Variants in ARRB1 observed in about 807,000 individuals in gnomAD.
The protein encoded by ARRB1 is beta-arrestin-1.
A neutral mutation model predicts 56.8 loss-of-function variants in ARRB1; 21 were observed. The observed-to-expected ratio is 0.37, with a 90% CI of 0.26 to 0.53. ARRB1 has a LOEUF of 0.53. Among genes scored for constraint, ARRB1 ranks in the 20% least tolerant of loss-of-function variants. ARRB1 has a pLI of 0.88. For missense variants in ARRB1, 424 were observed against 553.7 expected (o/e 0.77, Z 2.35); for synonymous variants, 210 against 218.6 (o/e 0.96, Z 0.35).
At chr11:75,321,265 A>AC (rs113494468) in intron 1 of ARRB1, among the ~76,000 whole-genome samples, 2,360 of 52,250 alleles carry the variant, frequency 0.045, 62 homozygotes, top group African/African-American at 0.11. Flanking sequence ...ATTCCTGCTC[A>AC]CCCCCCCCCA....
At chr11:75,349,900 C>T (rs1046909467) in intron 1 of ARRB1, among the ~76,000 whole-genome samples, 4 of 152,252 alleles carry the variant, frequency 2.6e-5, no homozygotes, top group Non-Finnish European at 5.9e-5. Context: ...AGGGGCCTGG[C>T]AGTGCCCTAG....
chr11:75,274,416 C>T (rs1021095761), intron 10 of ARRB1: 3 of 586,242 alleles, frequency 5.1e-6, no homozygotes, highest in Non-Finnish European at 9.0e-6. Flanking sequence ...CTACATTCTA[C>T]GCACAAACAG....
chr11:75,327,077 G>A (rs1220453949), intron 1 of ARRB1, among the ~76,000 whole-genome samples: 2 of 151,948 alleles, frequency 1.3e-5, no homozygotes, highest in Non-Finnish European at 2.9e-5. Flanking sequence ...CACTTTGGGA[G>A]GCCGAGGCGG....
At chr11:75,294,417 C>T (rs1946678708) in intron 1 of ARRB1, among the ~76,000 whole-genome samples, 1 of 151,932 alleles carries the variant, frequency 6.6e-6, no homozygotes, top group Non-Finnish European at 1.5e-5. Flanking sequence ...ATTAGCCGGA[C>T]ATGGTGGCAT....
intron 1 of ARRB1, among the ~76,000 whole-genome samples, chr11:75,324,316 A>G (rs1341537333): frequency 6.6e-6 from 1 of 152,214 alleles, no homozygotes; most frequent in East Asian, 1.9e-4. Context: ...CTGCTGGGAC[A>G]GCGCCTAGCA....
intron 1 of ARRB1, among the ~76,000 whole-genome samples, chr11:75,339,471 G>A (rs1414736468): frequency 1.3e-5 from 2 of 152,210 alleles, no homozygotes; most frequent in African/African-American, 4.8e-5. Context: ...CTGACACTAT[G>A]CCGGCACATA....
intron 1 of ARRB1, among the ~76,000 whole-genome samples, chr11:75,302,368 T>C (rs1946925044): frequency 6.6e-6 from 1 of 152,222 alleles, no homozygotes; most frequent in Non-Finnish European, 1.5e-5. Context: ...GAGGGGGCCA[T>C]GGACAGAGGG....
At chr11:75,297,182 C>T (rs747123214) in intron 1 of ARRB1, among the ~76,000 whole-genome samples, 10 of 151,682 alleles carry the variant, frequency 6.6e-5, no homozygotes, top group South Asian at 4.2e-4. Context: ...TTTATCAAAT[C>T]GTAGCTAGCT....
At chr11:75,271,591 G>A in intron 13 of ARRB1, 110 bp downstream of exon 13, 1 of 1,218,340 alleles carries the variant, frequency 8.2e-7, no homozygotes, top group Non-Finnish European at 1.1e-6. Flanking sequence ...TATCTGAAAT[G>A]ACCACTAAGA....
intron 3 of ARRB1, 117 bp downstream of exon 3, chr11:75,287,198 G>A: frequency 1.9e-6 from 2 of 1,031,732 alleles, no homozygotes; most frequent in Non-Finnish European, 2.8e-6. Flanking sequence ...CCTGAAGCAG[G>A]AAGCCATTCA....
intron 15 of ARRB1, among the ~76,000 whole-genome samples, chr11:75,267,226 G>A (rs2057016975): frequency 6.6e-6 from 1 of 152,166 alleles, no homozygotes; most frequent in Non-Finnish European, 1.5e-5. Context: ...TTGACTGCAG[G>A]GAAATCCACA....
In ARRB1 at chr11:75,262,710, C is replaced by T. The variant is rs148338631; in HGVS notation, c.*3453G>A. Among the ~76,000 whole-genome samples, 9 of 152,292 alleles carry T rather than the reference C, an allele frequency of 5.9e-5. No homozygotes were observed. In the East Asian group the frequency reaches 1.7e-3, roughly 29 times the overall value. On this transcript the variant is annotated 3_prime_UTR_variant, in exon 16 of 16. Coordinates refer to ENST00000420843, the MANE Select transcript of ARRB1 (RefSeq NM_004041.5). Reference sequence around the variant, plus strand: ...TTTTACAGTTAGGGAAATTGAGCCCCAGAGGTTGAGTAGCTTGCCCAAGCC... The same window carrying T: ...TTTTACAGTTAGGGAAATTGAGCCCTAGAGGTTGAGTAGCTTGCCCAAGCC...
intron 1 of ARRB1, among the ~76,000 whole-genome samples, chr11:75,294,277 A>G (rs1006428957): frequency 3.3e-5 from 5 of 152,166 alleles, no homozygotes. Context: ...ATGGTGGTTC[A>G]TGCCTGTAAT....
chr11:75,290,384 C>T (rs1342719967), intron 1 of ARRB1, among the ~76,000 whole-genome samples: 2 of 152,162 alleles, frequency 1.3e-5, no homozygotes, highest in Non-Finnish European at 2.9e-5. Flanking sequence ...CTCCCGGTGT[C>T]ACCTCCTACT....
Position 75,267,715 on chromosome 11 carries a change from G to T in ARRB1, c.1094-12C>A. On this transcript the variant is annotated splice_polypyrimidine_tract_variant and intron_variant, in intron 14 of 15. Transcript: ENST00000420843. ...CTCGTTCTCTGGAACTAAACACAGG[G>T]TGGGTGGGCAGGGTGTCCAGGGATT... 1.3e-6 allele frequency: 2 copies of T among 1,579,574 alleles called. No individual in the cohort carries two copies. Among genetic ancestry groups the T allele is most frequent in the Non-Finnish European group, 1.7e-6 (2 of 1,153,610 alleles).
chr11:75,277,368 G>T lies in ARRB1; in HGVS notation c.699C>A (p.Ile233=). The part of the protein sequence containing the change: ...NTNKTVKKIK[I]SVRQYADICL... ...CTGACCCTCTGTCTGGGATACCTGA[G>T]ATCTTGATCTTCTTCACCGTCTTGT... The change falls in exon 9 of 16, where the codon ATC becomes ATA. Residue 233 remains isoleucine, a synonymous_variant. Coordinates refer to ENST00000420843, the MANE Select transcript of ARRB1 (RefSeq NM_004041.5). The T allele has an allele frequency of 6.2e-7, 1 of 1,614,078 alleles. No individual in the cohort carries two copies.
intron 1 of ARRB1, among the ~76,000 whole-genome samples, chr11:75,314,624 GA>G (rs960336053): frequency 6.6e-6 from 1 of 150,830 alleles, no homozygotes; most frequent in Non-Finnish European, 1.5e-5. Flanking sequence ...TTTTTTCTTT[GA>G]AAAAAAACTT....
intron 1 of ARRB1, among the ~76,000 whole-genome samples, chr11:75,344,404 G>A (rs1221078111): frequency 6.6e-6 from 1 of 152,200 alleles, no homozygotes; most frequent in Non-Finnish European, 1.5e-5. Context: ...CAGAGAGGGT[G>A]CATGTCATGC....
rs376520349 is a variant in ARRB1, at chr11:75,283,397, C to T, written c.244G>A (p.Ala82Thr). The stretch of plus-strand genomic sequence containing the variant: ...GCCGGTGGGAACGACTGTACGTTGG[C>T]CACAAACAGGTCCTTGCGAAAGGTC... ...GLTFRKDLFV[A>T]NVQSFPPAPE... The change falls in exon 5 of 16, where the codon GCC (alanine) becomes ACC (threonine). Residue 82 changes from alanine (A) to threonine (T), a missense_variant. Around this residue, in one of 3 missense-constraint regions of ARRB1, gnomAD observed 301 missense variants for 387.9 expected, o/e 0.78. Coordinates refer to ENST00000420843, the MANE Select transcript of ARRB1 (RefSeq NM_004041.5). 2.8e-5 allele frequency: 45 copies of T among 1,614,148 alleles called. No individual in the cohort carries two copies. The highest frequency in any genetic ancestry group is 3.7e-5 in the Non-Finnish European group (44 of 1,179,990).
Sources: allele counts gnomAD v4.1 joint callset (sites outside exome capture counted in the v4.1 genomes callset), GRCh38; gene constraint gnomAD v4.1.1; regional missense constraint gnomAD v4.1.1; transcripts MANE v1.5; gene names NCBI Gene and HGNC (gene_info 2026-07-23, HGNC 2026-07-21).